BBS9: variants seen among roughly 807,000 people sequenced by gnomAD.
BBS9 encodes the protein protein PTHB1.
A neutral mutation model predicts 117.7 loss-of-function variants in BBS9; 89 were observed. That is an observed-to-expected ratio of 0.76 (90% CI 0.64 to 0.90). BBS9 has a LOEUF of 0.90. Among genes scored for constraint, BBS9 ranks in the 40% least tolerant of loss-of-function variants. The probability of loss-of-function intolerance (pLI) is 0.00; values close to 1 mark genes in which losing one functional copy is unlikely to be tolerated. For synonymous variants in BBS9, 379 were observed against 370.9 expected (o/e 1.02, Z -0.25); for missense variants, 982 against 1,042.2 (o/e 0.94, Z 0.80).
At chr7:33,519,256 T>A (rs1848255377) in intron 20 of BBS9, among the ~76,000 whole-genome samples, 1 of 152,208 alleles carries the variant, frequency 6.6e-6, no homozygotes, top group Non-Finnish European at 1.5e-5. Flanking sequence ...CTCACATGGT[T>A]CTTCTCTTGT....
chr7:33,216,792 A>T, intron 5 of BBS9, among the ~76,000 whole-genome samples: 1 of 152,300 alleles, frequency 6.6e-6, no homozygotes. Flanking sequence ...AATTGGGATT[A>T]CCTTAAAAGA....
chr7:33,603,471 T>C (rs937010161), intron 21 of BBS9, among the ~76,000 whole-genome samples: 3 of 152,114 alleles, frequency 2.0e-5, no homozygotes, highest in Admixed American at 1.3e-4. Context: ...TTCTGTGACA[T>C]TGGCAAGTTA....
chr7:33,311,592 A>C (rs548260323), intron 9 of BBS9, among the ~76,000 whole-genome samples: 274 of 152,248 alleles, frequency 1.8e-3, no homozygotes, highest in African/African-American at 6.3e-3. Context: ...CGAGGCAGGC[A>C]GATCACTTGA....
At chr7:33,358,784 G>A (rs1340956483) in intron 16 of BBS9, among the ~76,000 whole-genome samples, 4 of 151,838 alleles carry the variant, frequency 2.6e-5, no homozygotes, top group African/African-American at 9.7e-5. Context: ...GCTAGGAGAT[G>A]CATCTTCACC....
intron 19 of BBS9, among the ~76,000 whole-genome samples, chr7:33,432,068 A>G (rs1041215753): frequency 6.7e-6 from 1 of 149,864 alleles, no homozygotes; most frequent in Admixed American, 6.6e-5. Flanking sequence ...TTTTGCCAGG[A>G]TTTTTTTTCT....
At chr7:33,584,495 T>A (rs939097496) in intron 21 of BBS9, among the ~76,000 whole-genome samples, 7 of 152,014 alleles carry the variant, frequency 4.6e-5, no homozygotes, top group African/African-American at 9.7e-5. Flanking sequence ...CTGGCATTTT[T>A]AAAAAAATTA....
intron 20 of BBS9, among the ~76,000 whole-genome samples, chr7:33,509,722 G>T (rs981353206): frequency 2.0e-5 from 3 of 152,168 alleles, no homozygotes; most frequent in Non-Finnish European, 4.4e-5. Flanking sequence ...TTGATGGTAT[G>T]TGTTAAAAGG....
intron 15 of BBS9, among the ~76,000 whole-genome samples, chr7:33,355,187 T>A (rs1010770674): frequency 1.3e-5 from 2 of 152,012 alleles, no homozygotes; most frequent in Non-Finnish European, 2.9e-5. Context: ...CCTTCTCTAT[T>A]ACAAACACAT....
intron 21 of BBS9, among the ~76,000 whole-genome samples, chr7:33,558,326 A>G (rs571443395): frequency 1.3e-5 from 2 of 152,260 alleles, no homozygotes; most frequent in South Asian, 4.2e-4. Flanking sequence ...GGGAGAAGAT[A>G]CTTGAGGAAG....
intron 21 of BBS9, among the ~76,000 whole-genome samples, chr7:33,601,991 T>G (rs2129201489): frequency 6.6e-6 from 1 of 152,306 alleles, no homozygotes; most frequent in East Asian, 1.9e-4. Context: ...TACTTCTTGT[T>G]ATACAACTAC....
chr7:33,533,998 G>GTGGCACTTCAAC lies in BBS9; in HGVS notation c.2343_2344insTGGCACTTCAAC (p.Lys781_Thr782insTrpHisPheAsn). The GTGGCACTTCAAC allele has an allele frequency of 6.2e-7, 1 of 1,614,232 alleles. No homozygotes were observed. Among genetic ancestry groups the GTGGCACTTCAAC allele is most frequent in the Non-Finnish European group, 8.5e-7 (1 of 1,180,038 alleles). On this transcript the variant is annotated inframe_insertion, in exon 21 of 23. Transcript: ENST00000242067. ...ATGCCGCCATTTCCCACCTGTTGAA[G>GTGGCACTTCAAC]ACTTGCCTGTCGAAGAGTTCTAAGG...
intron 3 of BBS9, among the ~76,000 whole-genome samples, chr7:33,153,076 A>G (rs1175369454): frequency 6.6e-6 from 1 of 152,256 alleles, no homozygotes; most frequent in East Asian, 1.9e-4. Flanking sequence ...GATGCCTGAC[A>G]TTATCAGAAG....
At chr7:33,494,485 C>T (rs1844451763) in intron 19 of BBS9, among the ~76,000 whole-genome samples, 1 of 152,114 alleles carries the variant, frequency 6.6e-6, no homozygotes, top group Non-Finnish European at 1.5e-5. Flanking sequence ...TAATATAATA[C>T]ATGTGGAAGG....
At chr7:33,325,264 C>T (rs1812598897) in intron 9 of BBS9, among the ~76,000 whole-genome samples, 1 of 152,136 alleles carries the variant, frequency 6.6e-6, no homozygotes, top group Non-Finnish European at 1.5e-5. Context: ...GTTGGTGAGG[C>T]ACTCTGATGC....
At chr7:33,318,417 G>C (rs1810987208) in intron 9 of BBS9, among the ~76,000 whole-genome samples, 1 of 151,842 alleles carries the variant, frequency 6.6e-6, no homozygotes, top group African/African-American at 2.4e-5. Flanking sequence ...TTGTATTTTG[G>C]CTTAAATGTC....
intron 20 of BBS9, among the ~76,000 whole-genome samples, chr7:33,509,600 GC>G (rs1231763642): frequency 6.6e-6 from 1 of 152,190 alleles, no homozygotes; most frequent in Non-Finnish European, 1.5e-5. Context: ...TTTCAGAAGA[GC>G]CTCTCAGCTC....
At chr7:33,210,705 T>G (rs76819861) in intron 5 of BBS9, among the ~76,000 whole-genome samples, 1 of 152,208 alleles carries the variant, frequency 6.6e-6, no homozygotes, top group East Asian at 1.9e-4. Flanking sequence ...GCCTGGCTTA[T>G]TTTTTGTATT....
chr7:33,574,349 T>C (rs577770192), intron 21 of BBS9, among the ~76,000 whole-genome samples: 1 of 152,294 alleles, frequency 6.6e-6, no homozygotes, highest in East Asian at 1.9e-4. Context: ...ACACAGTGCT[T>C]ACTATGTGCT....
intron 1 of BBS9, among the ~76,000 whole-genome samples, chr7:33,139,212 A>G (rs1459487084): frequency 6.6e-6 from 1 of 151,276 alleles, no homozygotes; most frequent in Non-Finnish European, 1.5e-5. Flanking sequence ...AGATTGTGCC[A>G]TTGCACTCCA....
Sources: allele counts gnomAD v4.1 joint callset (sites outside exome capture counted in the v4.1 genomes callset), GRCh38; gene constraint gnomAD v4.1.1; transcripts MANE v1.5; gene names NCBI Gene and HGNC (gene_info 2026-07-23, HGNC 2026-07-21).